The following FBN1 variants were observed in gnomAD, a reference collection of about 807,000 sequenced individuals.
FBN1 encodes fibrillin 1, also known as fibrillin-1.
Under a neutral mutation model 365.1 loss-of-function variants are expected in FBN1, and 29 were observed. The observed-to-expected ratio is 0.08, with a 90% CI of 0.06 to 0.11. FBN1 has a LOEUF of 0.11. FBN1 is among the 10% of genes least tolerant of loss of function. FBN1 has a pLI of 1.00. For synonymous variants in FBN1, 1,210 were observed against 1,270.5 expected, an observed-to-expected ratio of 0.95 and a Z score of 1.01; for missense variants, 2,476 against 3,703.2, an observed-to-expected ratio of 0.67 and a Z score of 8.60.
At chr15:48,584,979 T>C (rs2044424224) in intron 6 of FBN1, among the ~76,000 whole-genome samples, 5 of 152,246 alleles carry the variant, frequency 3.3e-5, no homozygotes, top group Admixed American at 3.3e-4. Context: ...TGGCTTCGCT[T>C]TTGCCTTTTA....
At chr15:48,499,370 G>T (rs985419691) in intron 17 of FBN1, among the ~76,000 whole-genome samples, 5 of 152,198 alleles carry the variant, frequency 3.3e-5, no homozygotes, top group Non-Finnish European at 5.9e-5. Context: ...TTAAAATGTG[G>T]TTTCTTAACT....
At chr15:48,580,845 C>T (rs2044385865) in intron 6 of FBN1, among the ~76,000 whole-genome samples, 1 of 152,130 alleles carries the variant, frequency 6.6e-6, no homozygotes, top group African/African-American at 2.4e-5. Flanking sequence ...AAGAGATAAA[C>T]GAAAGCCAAT....
chr15:48,534,486 G>C (rs1157482525), intron 7 of FBN1, among the ~76,000 whole-genome samples: 1 of 152,030 alleles, frequency 6.6e-6, no homozygotes, highest in African/African-American at 2.4e-5. Flanking sequence ...TAACTTTTGC[G>C]GGTTTTAGCA....
intron 6 of FBN1, among the ~76,000 whole-genome samples, chr15:48,549,138 T>C (rs1159332284): frequency 6.6e-6 from 1 of 152,264 alleles, no homozygotes. Flanking sequence ...TGCTGGTCTA[T>C]GGGCATTCAG....
chr15:48,414,614 C>T (rs937628057), intron 64 of FBN1, among the ~76,000 whole-genome samples: 7 of 152,244 alleles, frequency 4.6e-5, no homozygotes, highest in South Asian at 2.1e-4. Flanking sequence ...TAGGCCTTCC[C>T]GGCCGGGTAC....
At position 48,465,869 on chromosome 15, in the gene FBN1, A is replaced by G. The variant is rs549918653; in HGVS notation, c.4748-11T>C. 1.4e-4 allele frequency: 232 copies of G among 1,601,050 alleles called. 3 individuals are homozygous for G. The South Asian group carries it at 2.3e-3, about 16-fold the overall frequency. ...GAATTTTGTACTCGGCTATTGAAAC[A>G]AAAATTCAAATTGAGTTGTTTTGAA... On this transcript the variant is annotated splice_polypyrimidine_tract_variant and intron_variant, in intron 38 of 65. Transcript: ENST00000316623.
In FBN1 at chr15:48,421,671, G is replaced by A; in HGVS notation, c.7586C>T (p.Thr2529Ile). 6.2e-7 allele frequency: 1 copy of A among 1,613,744 alleles called. No homozygotes were observed. Among genetic ancestry groups the A allele is most frequent in the Middle Eastern group, 1.7e-4 (1 of 6,052 alleles). ...HTSCIDNNEC[T>I]SDINLCGSKG... ...AGACCCGCACAGATTGATGTCAGAG[G>A]TGCATTCATTGTTATCTATGAGAAG... Residue 2529 changes from threonine (T) to isoleucine (I), a missense_variant, in exon 62 of 66, where the codon ACC (threonine) becomes ATC (isoleucine). Coordinates refer to ENST00000316623, the MANE Select transcript of FBN1 (RefSeq NM_000138.5).
Position 48,427,440 on chromosome 15 carries a change from T to C in FBN1, c.7204+127A>G. The C allele has an allele frequency of 6.2e-6, 6 of 967,756 alleles. No homozygotes were observed. The South Asian group carries it at 8.9e-5, about 14-fold the overall frequency. 59.9% of individuals were successfully genotyped at this position (967,756 alleles called of 1,614,324 possible). On this transcript the variant is annotated intron_variant, in intron 58 of 65. Transcript: ENST00000316623. ...GTCTAAAACTCCATAATGAAGAATT[T>C]TTGTTGGCCTCAGCTGTGCAATTCA...
chr15:48,612,955 C>G, intron 3 of FBN1, 55 bp downstream of exon 3: 1 of 1,314,922 alleles, frequency 7.6e-7, no homozygotes, highest in Non-Finnish European at 1.1e-6. Context: ...GCTCCCCATG[C>G]AACCAACACA....
intron 30 of FBN1, among the ~76,000 whole-genome samples, 156 bp downstream of exon 30, chr15:48,485,218 G>A (rs1442886879): frequency 6.6e-6 from 1 of 152,128 alleles, no homozygotes; most frequent in Non-Finnish European, 1.5e-5. Flanking sequence ...TTATAGATGA[G>A]GATTCTAATA....
At chr15:48,472,454 A>T in intron 35 of FBN1, 97 bp downstream of exon 35, 1 of 1,430,218 alleles carries the variant, frequency 7.0e-7, no homozygotes, top group Non-Finnish European at 9.7e-7. Context: ...AACACACCTC[A>T]GTTTAAAAAA....
In FBN1 at chr15:48,644,937, G is replaced by A. The variant is rs1235733755; in HGVS notation, c.-168C>T. ...TCTCCAGGCGCTGCTCCCACTTCAG[G>A]CGGCCCCTGCCAGCTGCAACACAGA... is the stretch of plus-strand genomic sequence containing the variant. On this transcript the variant is annotated 5_prime_UTR_variant, in exon 2 of 66. Coordinates refer to ENST00000316623, the MANE Select transcript of FBN1 (RefSeq NM_000138.5). 1 of 531,414 alleles carries A rather than the reference G, an allele frequency of 1.9e-6. No individual in the cohort carries two copies. Among genetic ancestry groups the A allele is most frequent in the Non-Finnish European group, 2.8e-6 (1 of 354,144 alleles). 32.9% of individuals were successfully genotyped at this position (531,414 alleles called of 1,614,324 possible). A position where few individuals can be genotyped will look rare whatever the true frequency, so the allele number is the denominator to read the frequency against.
intron 4 of FBN1, 74 bp from the exon 5 acceptor site, chr15:48,600,308 T>C (rs2044552307): frequency 9.4e-7 from 1 of 1,065,676 alleles, no homozygotes; most frequent in African/African-American, 1.6e-5. Flanking sequence ...GGAGTTGATT[T>C]GTAGTTATTT....
In FBN1 at chr15:48,408,975, T is replaced by C. The variant is rs533347412; in HGVS notation, c.*2015A>G. On this transcript the variant is annotated 3_prime_UTR_variant, in exon 66 of 66. Transcript: ENST00000316623. Reference sequence around the variant, plus strand: ...ACAATTTTAATACACCTCTATCACATGGTTCCATAGGTGCAGCGTTAGAAG... The same window carrying C: ...ACAATTTTAATACACCTCTATCACACGGTTCCATAGGTGCAGCGTTAGAAG... 7 of 152,378 alleles carry C rather than the reference T, an allele frequency of 4.6e-5. No homozygotes were observed. Among genetic ancestry groups the C allele is most frequent in the Admixed American group, 3.3e-4 (5 of 15,310 alleles). The allele number at this position is 152,378 out of a possible 1,614,324, so 9.4% of individuals were successfully genotyped here.
At chr15:48,493,666 A>G (rs2043579731) in intron 23 of FBN1, among the ~76,000 whole-genome samples, 1 of 152,166 alleles carries the variant, frequency 6.6e-6, no homozygotes, top group Admixed American at 6.5e-5. Context: ...CACATATGGG[A>G]CTAATTGCTG....
intron 43 of FBN1, among the ~76,000 whole-genome samples, chr15:48,458,975 T>G (rs1242201992): frequency 6.6e-6 from 1 of 152,246 alleles, no homozygotes; most frequent in Non-Finnish European, 1.5e-5. Context: ...GAGTCAGGAC[T>G]GTGTTCTGGT....
intron 42 of FBN1, among the ~76,000 whole-genome samples, 178 bp from the exon 43 acceptor site, chr15:48,460,495 T>C (rs2043272682): frequency 1.3e-5 from 2 of 152,080 alleles, no homozygotes; most frequent in East Asian, 1.9e-4. Flanking sequence ...GTAAGACAAA[T>C]ATTGAAGAAA....
chr15:48,460,348 G>A lies in FBN1; in HGVS notation c.5225-31C>T, dbSNP rs115751161. The A allele has an allele frequency of 1.1e-3, 1,565 of 1,401,652 alleles. 15 individuals carry two copies. In the African/African-American group the frequency reaches 0.02, roughly 18 times the overall value. 86.8% of individuals were successfully genotyped at this position (1,401,652 alleles called of 1,614,324 possible). On this transcript the variant is annotated intron_variant, in intron 42 of 65. Transcript: ENST00000316623. ...ATGATTAAACAAAGGTGGGATGGGA[G>A]GATAGGGGTCAGCAAAGAACAATAA... is the stretch of plus-strand genomic sequence containing the variant.
chr15:48,429,221 T>C (rs1273615260), intron 56 of FBN1, among the ~76,000 whole-genome samples: 1 of 152,214 alleles, frequency 6.6e-6, no homozygotes, highest in Non-Finnish European at 1.5e-5. Context: ...ATGAAAGAAA[T>C]ATTTTAATAC....
Sources: allele counts gnomAD v4.1 joint callset (sites outside exome capture counted in the v4.1 genomes callset), GRCh38; gene constraint gnomAD v4.1.1; transcripts MANE v1.5; gene names NCBI Gene and HGNC (gene_info 2026-07-23, HGNC 2026-07-21).